LRP1B: variants seen among roughly 807,000 people sequenced by gnomAD.
LRP1B encodes low-density lipoprotein receptor-related protein 1B.
In LRP1B, 217 loss-of-function variants were observed where a neutral mutation model predicts 556.6. That is an observed-to-expected ratio of 0.39 (90% CI 0.35 to 0.44). The LOEUF (loss-of-function observed/expected upper bound fraction) is 0.44. Ranked by LOEUF, LRP1B falls within the 20% of genes least tolerant of loss-of-function variation. The probability of loss-of-function intolerance (pLI) is 1.00; values close to 1 mark genes in which losing one functional copy is unlikely to be tolerated. For synonymous variants in LRP1B, 2,047 were observed against 1,865.8 expected (o/e 1.10, Z -2.50); for missense variants, 5,053 against 5,620.8 (o/e 0.90, Z 3.23).
chr2:140,454,982 G>A (rs1331222245), intron 62 of LRP1B, among the ~76,000 whole-genome samples: 1 of 152,126 alleles, frequency 6.6e-6, no homozygotes, highest in African/African-American at 2.4e-5. Context: ...TCAGCAGACT[G>A]ATATATGTAT....
intron 31 of LRP1B, among the ~76,000 whole-genome samples, chr2:140,814,664 C>A (rs565608314): frequency 6.6e-6 from 1 of 151,934 alleles, no homozygotes; most frequent in African/African-American, 2.4e-5. Flanking sequence ...CAAGTAAATC[C>A]AAAAATGGAA....
Position 141,617,202 on chromosome 2 carries a change from C to T in LRP1B, c.206-136669G>A, listed in dbSNP as rs1688338021. ...CAAGAACTGTGTATTTTTTACACAC[C>T]TATCTCCAGTGATTGAACAAAACCT... On this transcript the variant is annotated intron_variant, in intron 2 of 90. Coordinates refer to ENST00000389484, the MANE Select transcript of LRP1B (RefSeq NM_018557.3). Among the ~76,000 whole-genome samples the T allele has an allele frequency of 2.0e-5, 3 of 152,086 alleles. No homozygotes were observed. In the South Asian group the frequency reaches 6.2e-4, roughly 32 times the overall value.
intron 7 of LRP1B, among the ~76,000 whole-genome samples, chr2:141,069,439 G>A (rs1260333411): frequency 6.6e-6 from 1 of 151,968 alleles, no homozygotes; most frequent in Non-Finnish European, 1.5e-5. Flanking sequence ...AACATGGTGG[G>A]AAAAATGCTT....
At chr2:141,370,342 C>A (rs1179881046) in intron 3 of LRP1B, among the ~76,000 whole-genome samples, 1 of 152,098 alleles carries the variant, frequency 6.6e-6, no homozygotes, top group Non-Finnish European at 1.5e-5. Flanking sequence ...AATACTAATT[C>A]CGATTGGTAT....
In LRP1B at chr2:141,620,701, T is replaced by G. The variant is rs1398545418; in HGVS notation, c.206-140168A>C. 2.6e-5 allele frequency among the ~76,000 whole-genome samples: 4 copies of G among 152,350 alleles called. No individual in the cohort carries two copies. The East Asian group carries it at 7.7e-4, about 29-fold the overall frequency. ...TAACAAACACAAAATTTAAATATTC[T>G]TAACCACTGAAATCCTTTCTCTGAC... On this transcript the variant is annotated intron_variant, in intron 2 of 90. Coordinates refer to ENST00000389484, the MANE Select transcript of LRP1B (RefSeq NM_018557.3).
chr2:141,154,660 G>T (rs972319417), intron 7 of LRP1B, among the ~76,000 whole-genome samples: 21 of 151,454 alleles, frequency 1.4e-4, no homozygotes, highest in Middle Eastern at 6.8e-3. Flanking sequence ...TATGCATTTG[G>T]ATGCTCAACA....
At chr2:142,095,110 A>C (rs1388753635) in intron 1 of LRP1B, among the ~76,000 whole-genome samples, 1 of 150,574 alleles carries the variant, frequency 6.6e-6, no homozygotes, top group African/African-American at 2.4e-5. Flanking sequence ...AGCAACAAAA[A>C]ATAGGTGCGA....
At chr2:140,268,631 T>C (rs16843736) in intron 86 of LRP1B, among the ~76,000 whole-genome samples, 3,400 of 152,036 alleles carry the variant, frequency 0.022, 119 homozygotes, top group African/African-American at 0.077. Flanking sequence ...CAAAAATAAT[T>C]TCCATTGTCA....
intron 1 of LRP1B, among the ~76,000 whole-genome samples, chr2:141,885,399 C>T (rs990083544): frequency 3.9e-5 from 6 of 152,032 alleles, no homozygotes; most frequent in African/African-American, 1.4e-4. Context: ...GTACATGATA[C>T]AAAGAATGTA....
chr2:141,741,000 AAT>A (rs955456188), intron 2 of LRP1B, among the ~76,000 whole-genome samples: 3 of 152,146 alleles, frequency 2.0e-5, no homozygotes, highest in Non-Finnish European at 4.4e-5. Flanking sequence ...AGGTCCCAGA[AAT>A]ATGTGAGAAA....
At chr2:142,102,870 G>A (rs1056805373) in intron 1 of LRP1B, among the ~76,000 whole-genome samples, 1 of 151,784 alleles carries the variant, frequency 6.6e-6, no homozygotes, top group Non-Finnish European at 1.5e-5. Context: ...TATAATTAAT[G>A]TGGACAAAAA....
intron 23 of LRP1B, among the ~76,000 whole-genome samples, chr2:140,893,194 T>C (rs577943247): frequency 6.6e-6 from 1 of 152,292 alleles, no homozygotes; most frequent in South Asian, 2.1e-4. Flanking sequence ...ATCATAAATA[T>C]GAGAGTAATT....
At chr2:141,381,959 G>C (rs1405896142) in intron 3 of LRP1B, among the ~76,000 whole-genome samples, 3 of 150,906 alleles carry the variant, frequency 2.0e-5, no homozygotes, top group Admixed American at 2.0e-4. Flanking sequence ...TGGAGCCCAG[G>C]ATCTAGGAAG....
At chr2:141,419,539 T>C (rs1680062085) in intron 3 of LRP1B, among the ~76,000 whole-genome samples, 1 of 152,128 alleles carries the variant, frequency 6.6e-6, no homozygotes. Flanking sequence ...ATCCAGCTTT[T>C]CTAAGATACC....
intron 43 of LRP1B, among the ~76,000 whole-genome samples, chr2:140,596,276 A>G (rs1386492323): frequency 2.0e-5 from 3 of 152,210 alleles, no homozygotes; most frequent in African/African-American, 4.8e-5. Context: ...TTGTCTTGAC[A>G]TAATGGCGAA....
chr2:140,580,536 T>C (rs1287685046), intron 43 of LRP1B, among the ~76,000 whole-genome samples: 2 of 152,228 alleles, frequency 1.3e-5, no homozygotes, highest in African/African-American at 4.8e-5. Flanking sequence ...GTTTTCCTTT[T>C]GAAAGTAGGG....
At chr2:141,162,704 T>A (rs991432417) in intron 7 of LRP1B, among the ~76,000 whole-genome samples, 2 of 152,070 alleles carry the variant, frequency 1.3e-5, no homozygotes, top group South Asian at 2.1e-4. Context: ...AATTGGAAAT[T>A]GAAAATATAG....
At chr2:140,893,281 CAT>C (rs1693854337) in intron 23 of LRP1B, among the ~76,000 whole-genome samples, 1 of 152,168 alleles carries the variant, frequency 6.6e-6, no homozygotes, top group African/African-American at 2.4e-5. Context: ...GCAAAATGTT[CAT>C]ATGTTTCATA....
In LRP1B at chr2:140,840,967, T is replaced by C; in HGVS notation, c.5065A>G (p.Ile1689Val). 6.2e-7 allele frequency: 1 copy of C among 1,613,442 alleles called. No homozygotes were observed. The highest frequency in any genetic ancestry group is 8.5e-7 in the Non-Finnish European group (1 of 1,179,646). Residue 1689 changes from isoleucine to valine, a missense_variant, in exon 30 of 91, where the codon ATC becomes GTC. Ile to Val is a conservative substitution (Grantham distance 29). Transcript: ENST00000389484. ...CACTGTGGCTTATCGATTCCATGGATAATTGAGGTTTTCAAAGAGCCATCT... is the reference window on the plus strand; with the variant it reads ...CACTGTGGCTTATCGATTCCATGGACAATTGAGGTTTTCAAAGAGCCATCT... ...RLDGSLKTSI[I>V]HGIDKPQCLA...
Sources: gnomAD v4.1 joint callset for allele counts (sites outside exome capture counted in the v4.1 genomes callset) on GRCh38, gnomAD v4.1.1 for gene constraint, MANE v1.5 for transcripts, NCBI Gene and HGNC (gene_info 2026-07-23, HGNC 2026-07-21) for gene names.